Variants in SLC18B1 observed in about 807,000 individuals in gnomAD.
The protein encoded by SLC18B1 is MFS-type transporter SLC18B1.
SLC18B1 carries 62 observed loss-of-function variants against 53.9 expected under a neutral mutation model. The observed-to-expected ratio is 1.15, with a 90% CI of 0.94 to 1.42. SLC18B1 has a LOEUF of 1.42. Ranked by LOEUF, SLC18B1 falls within the 40% of genes most tolerant of loss-of-function variation. SLC18B1 has a pLI of 0.00. For missense variants in SLC18B1, 598 were observed against 547.3 expected (o/e 1.09, Z -0.93); for synonymous variants, 217 against 200.9 (o/e 1.08, Z -0.68).
rs1562271694 is a variant in SLC18B1, at chr6:132,792,357, G to GGAAGGAAGGAAGGA, written c.184-2086_184-2085insTCCTTCCTTCCTTC. On this transcript the variant is annotated intron_variant, in intron 2 of 13. Transcript: ENST00000275227. ...GAAGGAAGGAAGGAAGGAAGGAAGG[G>GGAAGGAAGGAAGGA]AAAGAAAGAAAAGAAGGAAAGAAAG... 6.1e-4 allele frequency among the ~76,000 whole-genome samples: 62 copies of GGAAGGAAGGAAGGA among 100,918 alleles called. 4 individuals carry two copies. The highest frequency in any genetic ancestry group is 8.7e-4 in the Admixed American group (8 of 9,146). 66.2% of individuals were successfully genotyped at this position (100,918 alleles called of 152,430 possible). A position where few individuals can be genotyped will look rare whatever the true frequency, so the allele number is the denominator to read the frequency against.
At chr6:132,778,187 G>A (rs1286255012) in intron 7 of SLC18B1, among the ~76,000 whole-genome samples, 1 of 152,176 alleles carries the variant, frequency 6.6e-6, no homozygotes, top group African/African-American at 2.4e-5. Flanking sequence ...GGGTGGGGCA[G>A]GAACAAATCG....
intron 7 of SLC18B1, among the ~76,000 whole-genome samples, chr6:132,778,681 G>C (rs1351608222): frequency 6.6e-6 from 1 of 151,896 alleles, no homozygotes; most frequent in Non-Finnish European, 1.5e-5. Flanking sequence ...TACCACACCT[G>C]GTAATGGACT....
chr6:132,793,737 T>C lies in SLC18B1; in HGVS notation c.183+3245A>G, dbSNP rs146569068. Among the ~76,000 whole-genome samples, 1,194 of 152,366 alleles carry C rather than the reference T, an allele frequency of 7.8e-3. 11 individuals carry two copies. Among genetic ancestry groups the C allele is most frequent in the African/African-American group, 0.028 (1,147 of 41,582 alleles). On this transcript the variant is annotated intron_variant, in intron 2 of 13. Coordinates refer to ENST00000275227, the MANE Select transcript of SLC18B1 (RefSeq NM_052831.3). ...TACATTCATAATCTATAACCAGATG[T>C]ACTCTTACACCCAAACTTTGATGTG... is the stretch of plus-strand genomic sequence containing the variant.
intron 6 of SLC18B1, among the ~76,000 whole-genome samples, chr6:132,782,037 A>T (rs1781250596): frequency 1.3e-5 from 2 of 151,304 alleles, no homozygotes; most frequent in Non-Finnish European, 2.9e-5. Context: ...AAAATAGAAA[A>T]AGTACTCAGG....
intron 6 of SLC18B1, among the ~76,000 whole-genome samples, chr6:132,781,585 T>C (rs1222720545): frequency 6.6e-6 from 1 of 151,882 alleles, no homozygotes; most frequent in Non-Finnish European, 1.5e-5. Flanking sequence ...AGTGAAACGC[T>C]GTCTCTACTA....
At chr6:132,796,781 A>C (rs1021671556) in intron 2 of SLC18B1, among the ~76,000 whole-genome samples, 3 of 152,132 alleles carry the variant, frequency 2.0e-5, no homozygotes, top group Non-Finnish European at 4.4e-5. Context: ...ACCTCCCAAG[A>C]AGATGTTCTT....
chr6:132,783,007 T>G (rs1008179413), intron 6 of SLC18B1, among the ~76,000 whole-genome samples: 2 of 152,076 alleles, frequency 1.3e-5, no homozygotes, highest in African/African-American at 4.8e-5. Context: ...ACTCCTGACC[T>G]CAGGTGATCT....
chr6:132,778,720 A>G (rs1173271318), intron 7 of SLC18B1, among the ~76,000 whole-genome samples: 1 of 152,206 alleles, frequency 6.6e-6, no homozygotes, highest in Non-Finnish European at 1.5e-5. Flanking sequence ...TATTTTTTCA[A>G]AAATATCTAA....
intron 6 of SLC18B1, among the ~76,000 whole-genome samples, chr6:132,781,477 G>A (rs1781233189): frequency 6.6e-6 from 1 of 151,804 alleles, no homozygotes; most frequent in Admixed American, 6.6e-5. Flanking sequence ...CCCAGAAAAG[G>A]GCCGGGCACG....
chr6:132,772,351 C>G, intron 10 of SLC18B1, 145 bp from the exon 11 acceptor site: 2 of 471,894 alleles, frequency 4.2e-6, no homozygotes, highest in African/African-American at 2.0e-5. Flanking sequence ...AGATAAAAAG[C>G]AAATCTTATT....
At chr6:132,772,386 T>C (rs2143387) in intron 10 of SLC18B1, among the ~76,000 whole-genome samples, 180 bp from the exon 11 acceptor site, 9,069 of 152,228 alleles carry the variant, frequency 0.06, 304 homozygotes, top group Middle Eastern at 0.075. Flanking sequence ...TAGTTACATT[T>C]ACTCCATGGT....
chr6:132,790,918 T>C (rs543547507), intron 2 of SLC18B1, among the ~76,000 whole-genome samples: 2 of 152,338 alleles, frequency 1.3e-5, no homozygotes, highest in East Asian at 1.9e-4. Context: ...CTAATGTTTA[T>C]AGCCTATTCT....
intron 4 of SLC18B1, among the ~76,000 whole-genome samples, chr6:132,788,181 A>G (rs1355035889): frequency 6.6e-6 from 1 of 151,676 alleles, no homozygotes; most frequent in Non-Finnish European, 1.5e-5. Context: ...AAAAGAAAAA[A>G]AAAAAAAGAA....
intron 6 of SLC18B1, among the ~76,000 whole-genome samples, chr6:132,782,058 T>TG (rs1310694126): frequency 3.3e-5 from 5 of 150,672 alleles, no homozygotes; most frequent in African/African-American, 1.2e-4. Flanking sequence ...TGTGGTGGCA[T>TG]GCACCTGTAC....
At chr6:132,796,223 C>T (rs1239102830) in intron 2 of SLC18B1, among the ~76,000 whole-genome samples, 1 of 151,042 alleles carries the variant, frequency 6.6e-6, no homozygotes, top group Non-Finnish European at 1.5e-5. Context: ...GGCGTAGTGG[C>T]GGGTACCTGT....
rs951867631 is a variant in SLC18B1 at position 132,798,483 on chromosome 6, A to G, written c.-27T>C. The G allele has an allele frequency of 2.2e-5, 33 of 1,481,348 alleles. No individual in the cohort carries two copies. Among genetic ancestry groups the G allele is most frequent in the Non-Finnish European group, 3.0e-5 (33 of 1,111,606 alleles). 91.8% of individuals were successfully genotyped at this position (1,481,348 alleles called of 1,614,324 possible). ...CCCGGTGCGTGGACTCCGGCGCCCCAGCTCCCGGCTTCAAGCCACGTCCTT... is the reference window on the plus strand; with the variant it reads ...CCCGGTGCGTGGACTCCGGCGCCCCGGCTCCCGGCTTCAAGCCACGTCCTT... On this transcript the variant is annotated 5_prime_UTR_variant, in exon 1 of 14. Transcript: ENST00000275227.
At chr6:132,797,268 T>A (rs1172909793) in intron 1 of SLC18B1, 147 bp from the exon 2 acceptor site, 3 of 1,017,672 alleles carry the variant, frequency 2.9e-6, no homozygotes, top group Admixed American at 2.8e-5. Context: ...TTTGATCAAA[T>A]GGAACACAAT....
At chr6:132,796,882 T>C (rs1336176765) in intron 2 of SLC18B1, 100 bp downstream of exon 2, 1 of 1,320,924 alleles carries the variant, frequency 7.6e-7, no homozygotes, top group East Asian at 2.6e-5. Flanking sequence ...TATATGCAGA[T>C]TTTTACATTT....
At position 132,789,879 on chromosome 6, in the gene SLC18B1, C is replaced by T. The variant is rs561917627; in HGVS notation, c.280-42G>A. 71 of 1,393,638 alleles carry T rather than the reference C, an allele frequency of 5.1e-5. No individual in the cohort carries two copies. Among genetic ancestry groups the T allele is most frequent in the East Asian group, 9.1e-5 (4 of 43,728 alleles). The allele number at this position is 1,393,638 out of a possible 1,614,324, so 86.3% of individuals were successfully genotyped here. A position where few individuals can be genotyped will look rare whatever the true frequency, so the allele number is the denominator to read the frequency against. On this transcript the variant is annotated intron_variant, in intron 3 of 13. Coordinates refer to ENST00000275227, the MANE Select transcript of SLC18B1 (RefSeq NM_052831.3). ...AGAAGAGTGGTAAATTTATGACTTC[C>T]GAAAGTCTATATTGATATAAACAAA...
Sources: allele counts gnomAD v4.1 joint callset (sites outside exome capture counted in the v4.1 genomes callset), GRCh38; gene constraint gnomAD v4.1.1; transcripts MANE v1.5; gene names NCBI Gene and HGNC (gene_info 2026-07-23, HGNC 2026-07-21).